The following ZNF606 variants were observed in gnomAD, a reference collection of about 807,000 sequenced individuals.
ZNF606 encodes the protein zinc finger protein 328.
A neutral mutation model predicts 74.9 loss-of-function variants in ZNF606; 37 were observed. The observed-to-expected ratio is 0.49, with a 90% CI of 0.38 to 0.65. ZNF606 has a LOEUF of 0.65. Among genes scored for constraint, ZNF606 ranks in the 30% least tolerant of loss-of-function variants. The pLI, the probability that ZNF606 is intolerant of heterozygous loss-of-function variation, is 0.00. For missense variants in ZNF606, 852 were observed against 952.9 expected (o/e 0.89, Z 1.39); for synonymous variants, 328 against 312.4 (o/e 1.05, Z -0.53).
chr19:57,986,163 G>A (rs550749356), intron 6 of ZNF606, among the ~76,000 whole-genome samples: 3 of 151,842 alleles, frequency 2.0e-5, no homozygotes, highest in Non-Finnish European at 4.4e-5. Flanking sequence ...TAAACAAAAC[G>A]CCACAGTTCA....
At position 58,001,294 on chromosome 19, in the gene ZNF606, G is replaced by T; in HGVS notation, c.26C>A (p.Ser9Tyr). 1 of 1,614,152 alleles carries T rather than the reference G, an allele frequency of 6.2e-7. No homozygotes were observed. The highest frequency in any genetic ancestry group is 1.1e-5 in the South Asian group (1 of 91,078). The part of the protein sequence containing the change: MAAINPWA[S>Y]WGALTDQSWG... ...GAAACACAACTTGGACTCACCCCAGGAGGCCCACGGGTTGATGGCTGCCAT... is the reference window on the plus strand; with the variant it reads ...GAAACACAACTTGGACTCACCCCAGTAGGCCCACGGGTTGATGGCTGCCAT... Residue 9 changes from serine (S) to tyrosine (Y), a missense_variant, in exon 2 of 7, where the codon TCC becomes TAC. Coordinates refer to ENST00000551380, the MANE Select transcript of ZNF606 (RefSeq NM_001348022.3).
chr19:57,998,919 G>T (rs2073376117), intron 4 of ZNF606: 1 of 152,454 alleles, frequency 6.6e-6, no homozygotes, highest in African/African-American at 2.4e-5. Context: ...CAAGGCCCTG[G>T]TCAGACTGAA....
Position 57,979,245 on chromosome 19 carries a change from T to C in ZNF606, c.1435A>G (p.Thr479Ala). 14 of 1,613,892 alleles carry C rather than the reference T, an allele frequency of 8.7e-6. No individual in the cohort carries two copies. Among genetic ancestry groups the C allele is most frequent in the Non-Finnish European group, 1.2e-5 (14 of 1,179,962 alleles). ...TTACAAACATAAGGTTTTTCTCCTG[T>C]ATGAATTCTCTTATGTACAATAAGA... ...SHLIVHKRIH[T>A]GEKPYVCNEC... The change falls in exon 7 of 7, where the codon ACA (threonine) becomes GCA (alanine). Residue 479 changes from threonine to alanine, a missense_variant. This residue lies in a region of ZNF606 where 243 missense variants were observed against 359.2 expected (regional missense o/e 0.68). Coordinates refer to ENST00000551380, the MANE Select transcript of ZNF606 (RefSeq NM_001348022.3).
chr19:57,978,401 C>A lies in ZNF606; in HGVS notation c.2279G>T (p.Gly760Val), dbSNP rs1003026088. 1 of 1,613,800 alleles carries A rather than the reference C, an allele frequency of 6.2e-7. No homozygotes were observed. The highest frequency in any genetic ancestry group is 8.5e-7 in the Non-Finnish European group (1 of 1,179,722). ...TTCACTGCATATAAAGCGTTTCTCT[C>A]CACTATGCATTCTCTGATGAATAAT... is the stretch of plus-strand genomic sequence containing the variant. ...SLIIHQRMHSGEKRFICSECG... is the reference protein window; with the variant it reads ...SLIIHQRMHSVEKRFICSECG... The change falls in exon 7 of 7, where the codon GGA becomes GTA. Residue 760 changes from glycine (G) to valine (V), a missense_variant. Physicochemically the swap from Gly to Val is moderately radical, Grantham distance 109. This residue lies in a region of ZNF606 where 64 missense variants were observed against 51.1 expected (regional missense o/e 1.25). Transcript: ENST00000551380. This position sits in a 1 kb window ranked among gnomAD's most constrained non-coding sequence, Gnocchi z 4.4.
intron 1 of ZNF606, chr19:58,002,029 G>A: frequency 2.7e-6 from 1 of 376,714 alleles, no homozygotes; most frequent in Non-Finnish European, 5.3e-6. Context: ...GCAACCTCTC[G>A]AATGGATTCC....
At chr19:57,988,805 G>A in intron 4 of ZNF606, 84 bp from the exon 5 acceptor site, 1 of 1,594,738 alleles carries the variant, frequency 6.3e-7, no homozygotes, top group South Asian at 1.1e-5. Context: ...ACAGCCCTGG[G>A]GAGAGAAGAC....
intron 4 of ZNF606, among the ~76,000 whole-genome samples, chr19:57,996,240 G>T (rs541854530): frequency 6.6e-6 from 1 of 152,166 alleles, no homozygotes; most frequent in African/African-American, 2.4e-5. Context: ...AATGGCTCAC[G>T]CCTGTAATCC....
At chr19:57,997,196 G>C (rs1365296915) in intron 4 of ZNF606, among the ~76,000 whole-genome samples, 1 of 152,220 alleles carries the variant, frequency 6.6e-6, no homozygotes, top group Non-Finnish European at 1.5e-5. Context: ...TAGGTGGACT[G>C]TTAACAGAGG....
intron 4 of ZNF606, among the ~76,000 whole-genome samples, chr19:57,990,100 C>T (rs1185311232): frequency 1.4e-5 from 2 of 144,216 alleles, no homozygotes; most frequent in African/African-American, 5.1e-5. Context: ...CAGTGGCTCA[C>T]GCCGGTAATC....
intron 4 of ZNF606, among the ~76,000 whole-genome samples, chr19:57,989,572 G>A (rs1019592834): frequency 6.6e-6 from 1 of 151,750 alleles, no homozygotes; most frequent in Non-Finnish European, 1.5e-5. Flanking sequence ...TCAGCCTCCC[G>A]AGTAGCTGGG....
intron 5 of ZNF606, 132 bp from the exon 6 acceptor site, chr19:57,988,434 T>C: frequency 1.5e-6 from 2 of 1,370,296 alleles, no homozygotes; most frequent in Non-Finnish European, 2.0e-6. Context: ...CACTCCATGC[T>C]CTTTAAGCAT....
chr19:57,991,877 G>A (rs2123315612), intron 4 of ZNF606, among the ~76,000 whole-genome samples: 1 of 152,254 alleles, frequency 6.6e-6, no homozygotes, highest in South Asian at 2.1e-4. Context: ...AATGGCACCT[G>A]GGGAACCAGC....
chr19:57,985,871 C>T (rs2073156146), intron 6 of ZNF606, among the ~76,000 whole-genome samples: 1 of 151,830 alleles, frequency 6.6e-6, no homozygotes, highest in African/African-American at 2.4e-5. Flanking sequence ...GAGGCAGAGG[C>T]TGCAGTGAGC....
At chr19:58,002,307 C>CT in intron 1 of ZNF606, 89 bp downstream of exon 1, 1 of 456,782 alleles carries the variant, frequency 2.2e-6, no homozygotes, top group South Asian at 1.5e-5. Flanking sequence ...CAGAAGCATC[C>CT]TTATCACCTG....
intron 4 of ZNF606, among the ~76,000 whole-genome samples, chr19:57,996,721 G>A (rs2073346632): frequency 6.6e-6 from 1 of 152,142 alleles, no homozygotes; most frequent in Non-Finnish European, 1.5e-5. Context: ...GCTAAAGAGA[G>A]AAGAGTACTG....
rs574471257 is a variant in ZNF606, at chr19:57,993,548, G to A, written c.178-4827C>T. On this transcript the variant is annotated intron_variant, in intron 4 of 6. Transcript: ENST00000551380. ...CTTCCTGCAAGAGGACTCTGGGAGAGGCAGGAGTGAGTCAGGCTGAAAACA... is the reference window on the plus strand; with the variant it reads ...CTTCCTGCAAGAGGACTCTGGGAGAAGCAGGAGTGAGTCAGGCTGAAAACA... Among the ~76,000 whole-genome samples the A allele has an allele frequency of 1.7e-3, 265 of 152,178 alleles. 1 individual carries two copies. Among genetic ancestry groups the A allele is most frequent in the African/African-American group, 6.0e-3 (251 of 41,546 alleles).
intron 3 of ZNF606, 27 bp from the exon 4 acceptor site, chr19:57,999,923 G>C (rs1471862772): frequency 6.2e-7 from 1 of 1,607,972 alleles, no homozygotes. Flanking sequence ...AAGTCATGGA[G>C]GCAGCTCTCG....
intron 4 of ZNF606, among the ~76,000 whole-genome samples, chr19:57,993,509 C>T (rs1014007736): frequency 6.6e-6 from 1 of 152,174 alleles, no homozygotes; most frequent in African/African-American, 2.4e-5. Context: ...GGAGGCACCA[C>T]GGTGAAGCAG....
In ZNF606 at chr19:57,988,626, C is replaced by T; in HGVS notation, c.273G>A (p.Met91Ile). Residue 91 changes from methionine to isoleucine, a missense_variant, in exon 5 of 7, where the codon ATG becomes ATA. Met to Ile is a conservative substitution (Grantham distance 10). Around this residue, in one of 3 missense-constraint regions of ZNF606, gnomAD observed 545 missense variants for 542.5 expected, o/e 1.00. Coordinates refer to ENST00000551380, the MANE Select transcript of ZNF606 (RefSeq NM_001348022.3). ...AGAGCAGGTGACCATAGGTCTCCAG[C>T]ATCACATCACGGTACAGGGTCCTCT... is the stretch of plus-strand genomic sequence containing the variant. ...LVQRTLYRDV[M>I]LETYGHLLSV... 6.2e-7 allele frequency: 1 copy of T among 1,614,144 alleles called. No individual in the cohort carries two copies. Among genetic ancestry groups the T allele is most frequent in the Non-Finnish European group, 8.5e-7 (1 of 1,180,012 alleles).
Sources: gnomAD v4.1 joint callset for allele counts (sites outside exome capture counted in the v4.1 genomes callset) on GRCh38, gnomAD v4.1.1 for gene constraint, gnomAD v4.1.1 regional missense constraint, Gnocchi (gnomAD v3.1) non-coding constraint, MANE v1.5 for transcripts, NCBI Gene and HGNC (gene_info 2026-07-23, HGNC 2026-07-21) for gene names.